GALNT17: variants seen among roughly 807,000 people sequenced by gnomAD.
The protein encoded by GALNT17 is UDP-GalNAc:polypeptide N-acetylgalactosaminyltransferase-like 3.
A neutral mutation model predicts 63.7 loss-of-function variants in GALNT17; 29 were observed. The ratio of observed to expected loss-of-function variants is 0.46; its 90% CI spans 0.34 to 0.62. The LOEUF (loss-of-function observed/expected upper bound fraction) is 0.62. GALNT17 is among the 20% of genes least tolerant of loss of function. The probability of loss-of-function intolerance (pLI) is 0.01; values close to 1 mark genes in which losing one functional copy is unlikely to be tolerated. For synonymous variants in GALNT17, 305 were observed against 318.3 expected, an observed-to-expected ratio of 0.96 and a Z score of 0.45; for missense variants, 603 against 799.6, an observed-to-expected ratio of 0.75 and a Z score of 2.97.
intron 6 of GALNT17, among the ~76,000 whole-genome samples, chr7:71,615,884 G>A (rs1790194677): frequency 6.6e-6 from 1 of 152,166 alleles, no homozygotes; most frequent in East Asian, 1.9e-4. Context: ...CGGCTTGACA[G>A]GAGGAAAGGA....
chr7:71,138,648 A>T lies in GALNT17; in HGVS notation c.238+5608A>T, dbSNP rs1451042612. Among the ~76,000 whole-genome samples, 4 of 152,196 alleles carry T rather than the reference A, an allele frequency of 2.6e-5. No homozygotes were observed. In the East Asian group the frequency reaches 7.7e-4, roughly 29 times the overall value. On this transcript the variant is annotated intron_variant, in intron 1 of 10. Coordinates refer to ENST00000333538, the MANE Select transcript of GALNT17 (RefSeq NM_022479.3). ...TACCATGTTAAAAAAATTTAACATG[A>T]TTGCGTGTAGGCTTTGTACAAGCAT...
intron 6 of GALNT17, among the ~76,000 whole-genome samples, chr7:71,652,750 T>C (rs1790771393): frequency 6.6e-6 from 1 of 152,084 alleles, no homozygotes; most frequent in Non-Finnish European, 1.5e-5. Context: ...TTCCTTTTGG[T>C]AAAAAGAAGA....
chr7:71,314,452 C>G (rs1368610542), intron 1 of GALNT17, among the ~76,000 whole-genome samples: 2 of 152,090 alleles, frequency 1.3e-5, no homozygotes, highest in Non-Finnish European at 2.9e-5. Flanking sequence ...AGCAAGAGGT[C>G]AAGGCCTTTC....
chr7:71,316,839 G>A (rs10464194), intron 1 of GALNT17, among the ~76,000 whole-genome samples: 4 of 152,184 alleles, frequency 2.6e-5, no homozygotes, highest in Non-Finnish European at 5.9e-5. Context: ...GGGCCTCTTA[G>A]GATGTACATG....
chr7:71,677,290 A>G lies in GALNT17; in HGVS notation c.1484A>G (p.His495Arg), dbSNP rs746314917. 1 of 1,613,948 alleles carries G rather than the reference A, an allele frequency of 6.2e-7. No individual in the cohort carries two copies. Among genetic ancestry groups the G allele is most frequent in the Non-Finnish European group, 8.5e-7 (1 of 1,179,914 alleles). The change falls in exon 9 of 11, where the codon CAT becomes CGT. Residue 495 changes from histidine to arginine, a missense_variant. By Grantham distance (29) the His-to-Arg change is conservative. This residue lies in a region of GALNT17 where 336 missense variants were observed against 507.8 expected (regional missense o/e 0.66). Coordinates refer to ENST00000333538, the MANE Select transcript of GALNT17 (RefSeq NM_022479.3). Reference protein sequence around the residue: ...ENHTAILYPCHGWGPQLARYT... With the variant: ...ENHTAILYPCRGWGPQLARYT... Reference sequence around the variant, plus strand: ...CACACAGCAATATTGTATCCGTGCCATGGCTGGGGACCACAGGTAGGAGCT... The same window carrying G: ...CACACAGCAATATTGTATCCGTGCCGTGGCTGGGGACCACAGGTAGGAGCT...
intron 1 of GALNT17, among the ~76,000 whole-genome samples, chr7:71,265,549 G>A (rs1192374373): frequency 6.6e-6 from 1 of 152,202 alleles, no homozygotes; most frequent in Non-Finnish European, 1.5e-5. Flanking sequence ...GGCAAGGAAG[G>A]TTTGACAGAG....
At chr7:71,380,676 C>T (rs756282392) in intron 2 of GALNT17, among the ~76,000 whole-genome samples, 3 of 151,842 alleles carry the variant, frequency 2.0e-5, no homozygotes, top group Non-Finnish European at 2.9e-5. Flanking sequence ...AGAGGGAGAG[C>T]GAAGATGCAA....
Position 71,693,007 on chromosome 7 carries a change from T to C in GALNT17, c.1500+15701T>C, listed in dbSNP as rs550108485. On this transcript the variant is annotated intron_variant, in intron 9 of 10. Transcript: ENST00000333538. ...GCCCACCTCGGCCTCCCAAAGTGCA[T>C]GAGCCACCGCACCCAGCCATAAGTA... is the stretch of plus-strand genomic sequence containing the variant. Among the ~76,000 whole-genome samples, 42 of 151,724 alleles carry C rather than the reference T, an allele frequency of 2.8e-4. No homozygotes were observed. The South Asian group carries it at 8.5e-3, about 31-fold the overall frequency.
intron 2 of GALNT17, among the ~76,000 whole-genome samples, chr7:71,354,010 AAGAG>A (rs1173499412): frequency 1.3e-5 from 2 of 150,338 alleles, no homozygotes; most frequent in Non-Finnish European, 3.0e-5. Flanking sequence ...GAGCAGGATC[AAGAG>A]AGAGAGAGAA....
intron 6 of GALNT17, among the ~76,000 whole-genome samples, chr7:71,635,167 A>G (rs995584634): frequency 9.4e-5 from 14 of 148,736 alleles, no homozygotes; most frequent in African/African-American, 3.5e-4. Flanking sequence ...AGATCTCGCT[A>G]CTGCACTCCA....
intron 1 of GALNT17, among the ~76,000 whole-genome samples, chr7:71,224,063 A>AT (rs1244814284): frequency 1.3e-5 from 2 of 151,996 alleles, no homozygotes; most frequent in Non-Finnish European, 2.9e-5. Flanking sequence ...ATACATTTTT[A>AT]TTTTTATTTT....
rs1416485210 is a variant in GALNT17, at chr7:71,510,128, G to A, written c.963-61157G>A. Among the ~76,000 whole-genome samples the A allele has an allele frequency of 5.0e-4, 76 of 152,024 alleles. 1 individual carries two copies. Among genetic ancestry groups the A allele is most frequent in the Admixed American group, 5.0e-3 (76 of 15,280 alleles). Reference sequence around the variant, plus strand: ...CCTGGCTAATGTTTTTTAATATTTTGTAGAGATGGGGCCTTGCTCTATTGC... The same window carrying A: ...CCTGGCTAATGTTTTTTAATATTTTATAGAGATGGGGCCTTGCTCTATTGC... On this transcript the variant is annotated intron_variant, in intron 5 of 10. Coordinates refer to ENST00000333538, the MANE Select transcript of GALNT17 (RefSeq NM_022479.3).
intron 8 of GALNT17, among the ~76,000 whole-genome samples, chr7:71,675,160 G>A (rs2117063433): frequency 6.6e-6 from 1 of 152,214 alleles, no homozygotes; most frequent in East Asian, 1.9e-4. Context: ...TTCCAGCCTG[G>A]TGACAGAGCA....
In GALNT17 at chr7:71,207,109, G is replaced by GA. The variant is rs549350106; in HGVS notation, c.238+74081dup. ...CGACAGAGCGAGACTCTGTCTCAAA[G>GA]AAAAAAAAAAAAGACCGATCAGTAG... On this transcript the variant is annotated intron_variant, in intron 1 of 10. Coordinates refer to ENST00000333538, the MANE Select transcript of GALNT17 (RefSeq NM_022479.3). Among the ~76,000 whole-genome samples the GA allele has an allele frequency of 3.6e-3, 503 of 138,768 alleles. 1 individual carries two copies. Among genetic ancestry groups the GA allele is most frequent in the African/African-American group, 0.012 (460 of 38,162 alleles). 91.0% of individuals were successfully genotyped at this position (138,768 alleles called of 152,430 possible). A position where few individuals can be genotyped will look rare whatever the true frequency, so the allele number is the denominator to read the frequency against.
intron 5 of GALNT17, among the ~76,000 whole-genome samples, chr7:71,454,427 G>T (rs955051968): frequency 6.6e-6 from 1 of 152,090 alleles, no homozygotes; most frequent in Non-Finnish European, 1.5e-5. Context: ...TATATTCCAT[G>T]GTGTATATGT....
intron 3 of GALNT17, among the ~76,000 whole-genome samples, chr7:71,398,251 G>C (rs1426767864): frequency 1.3e-5 from 2 of 151,690 alleles, no homozygotes; most frequent in Admixed American, 6.6e-5. Context: ...CATTATTCTA[G>C]TTTGGGGCCT....
At chr7:71,492,340 T>C (rs1010305727) in intron 5 of GALNT17, among the ~76,000 whole-genome samples, 1 of 152,144 alleles carries the variant, frequency 6.6e-6, no homozygotes, top group African/African-American at 2.4e-5. Context: ...TTTGGAATAG[T>C]GTTCATGTGT....
intron 6 of GALNT17, among the ~76,000 whole-genome samples, chr7:71,618,226 C>A (rs1260054266): frequency 2.0e-5 from 3 of 152,070 alleles, no homozygotes; most frequent in African/African-American, 7.2e-5. Flanking sequence ...TTAATGGGCT[C>A]TTGGGTTGAC....
At chr7:71,616,490 A>G (rs1790205623) in intron 6 of GALNT17, among the ~76,000 whole-genome samples, 1 of 147,484 alleles carries the variant, frequency 6.8e-6, no homozygotes, top group South Asian at 2.1e-4. Flanking sequence ...ATATATAACT[A>G]ATAACTAATA....
Sources: gnomAD v4.1 joint callset for allele counts (sites outside exome capture counted in the v4.1 genomes callset) on GRCh38, gnomAD v4.1.1 for gene constraint, gnomAD v4.1.1 regional missense constraint, MANE v1.5 for transcripts, NCBI Gene and HGNC (gene_info 2026-07-23, HGNC 2026-07-21) for gene names.